ZBTB37: variants seen among roughly 807,000 people sequenced by gnomAD.
ZBTB37 encodes the protein zinc finger and BTB domain containing 37.
ZBTB37 carries 15 observed loss-of-function variants against 37.7 expected under a neutral mutation model. The observed-to-expected ratio is 0.40, with a 90% CI of 0.27 to 0.61. The LOEUF (loss-of-function observed/expected upper bound fraction) is 0.61. Among genes scored for constraint, ZBTB37 ranks in the 20% least tolerant of loss-of-function variants. The pLI, the probability that ZBTB37 is intolerant of heterozygous loss-of-function variation, is 0.44. For synonymous variants in ZBTB37, 231 were observed against 220.6 expected, an observed-to-expected ratio of 1.05 and a Z score of -0.42; for missense variants, 514 against 641.9, an observed-to-expected ratio of 0.80 and a Z score of 2.15.
chr1:173,870,721 C>G, exon 3 of ZBTB37: 4 of 1,614,158 alleles, frequency 2.5e-6, no homozygotes, highest in Non-Finnish European at 3.4e-6. Context: ...CCTTAGCCCA[C>G]GACATAATAC....
At chr1:173,872,755 C>CACA (rs1261954279) in intron 3 of ZBTB37, among the ~76,000 whole-genome samples, 1 of 152,114 alleles carries the variant, frequency 6.6e-6, no homozygotes, top group Non-Finnish European at 1.5e-5. Context: ...CACCTGTGAT[C>CACA]CCAGCACTTT....
exon 5 of ZBTB37, chr1:173,885,701 T>C (rs1437532900): frequency 1.3e-6 from 2 of 1,551,876 alleles, no homozygotes; most frequent in Non-Finnish European, 1.7e-6. Context: ...AGGAAGTATC[T>C]GAGCGGTGGT....
exon 4 of ZBTB37, chr1:173,897,702 C>T (rs1302919299): frequency 1.3e-5 from 2 of 152,196 alleles, no homozygotes; most frequent in African/African-American, 4.8e-5. Context: ...GCTCTGTAGT[C>T]CCTTGGGCAG....
chr1:173,876,588 G>A (rs1655982939), intron 4 of ZBTB37, among the ~76,000 whole-genome samples: 2 of 152,160 alleles, frequency 1.3e-5, no homozygotes, highest in Admixed American at 1.3e-4. Flanking sequence ...GAAGTGCTGG[G>A]ATTACAGACA....
exon 5 of ZBTB37, chr1:173,886,394 G>GA: frequency 6.6e-6 from 3 of 452,456 alleles, no homozygotes; most frequent in Non-Finnish European, 1.2e-5. Context: ...AACTTTATAA[G>GA]AAAAAAGGTT....
intron 4 of ZBTB37, among the ~76,000 whole-genome samples, chr1:173,874,358 G>A (rs1180120888): frequency 4.1e-5 from 6 of 146,290 alleles, no homozygotes; most frequent in African/African-American, 1.0e-4. Flanking sequence ...TTTTTGAGAC[G>A]GAGTCTCGAG....
intron 3 of ZBTB37, among the ~76,000 whole-genome samples, chr1:173,873,037 A>T (rs572381034): frequency 6.6e-6 from 1 of 152,126 alleles, no homozygotes; most frequent in Non-Finnish European, 1.5e-5. Flanking sequence ...ATCAATTTCA[A>T]TGCAAAGATT....
chr1:173,885,970 C>G (rs756912387), exon 5 of ZBTB37: 2 of 1,551,656 alleles, frequency 1.3e-6, no homozygotes, highest in Non-Finnish European at 1.7e-6. Flanking sequence ...AAAAACCACC[C>G]TGGCTGTATA....
chr1:173,879,844 G>C (rs1047657457), intron 4 of ZBTB37, among the ~76,000 whole-genome samples: 6 of 152,098 alleles, frequency 3.9e-5, no homozygotes, highest in Non-Finnish European at 7.4e-5. Context: ...TCAGCTACTC[G>C]GGAGGCTGCA....
At chr1:173,882,141 C>T (rs1656350294) in intron 4 of ZBTB37, among the ~76,000 whole-genome samples, 2 of 149,350 alleles carry the variant, frequency 1.3e-5, no homozygotes, top group Non-Finnish European at 1.5e-5. Context: ...TGTTTAAGTT[C>T]TTTGTAAATT....
chr1:173,870,615 T>C, exon 3 of ZBTB37: 2 of 1,614,160 alleles, frequency 1.2e-6, no homozygotes, highest in Non-Finnish European at 1.7e-6. Flanking sequence ...TCAAAATTAA[T>C]GTGGCTGAGG....
rs6691053 is a variant in ZBTB37, at chr1:173,899,817, C to G, written c.*13693C>G. 4 of 151,970 alleles carry G rather than the reference C, an allele frequency of 2.6e-5. No individual in the cohort carries two copies. In the East Asian group the frequency reaches 7.7e-4, roughly 29 times the overall value. 9.4% of individuals were successfully genotyped at this position (151,970 alleles called of 1,614,324 possible). Reference sequence around the variant, plus strand: ...TGCATGGCTCTCAATTCAAAGTGTACAGTGGGTCAAGGCTTAGGTAGTAAA... The same window carrying G: ...TGCATGGCTCTCAATTCAAAGTGTAGAGTGGGTCAAGGCTTAGGTAGTAAA... On this transcript the variant is annotated 3_prime_UTR_variant, in exon 4 of 4. Transcript: ENST00000367701.
At chr1:173,872,044 C>A (rs1373495083) in intron 3 of ZBTB37, among the ~76,000 whole-genome samples, 1 of 152,086 alleles carries the variant, frequency 6.6e-6, no homozygotes, top group East Asian at 1.9e-4. Flanking sequence ...TATACTGTAT[C>A]CACTTCAGGT....
intron 1 of ZBTB37, 196 bp from the exon 2 acceptor site, chr1:173,868,729 G>T (rs544441300): frequency 6.5e-6 from 1 of 153,046 alleles, no homozygotes; most frequent in African/African-American, 2.4e-5. Flanking sequence ...CGGTCCCTGG[G>T]CGCCGCCCCC....
chr1:173,896,815 A>G (rs1054649562), exon 4 of ZBTB37: 2 of 152,200 alleles, frequency 1.3e-5, no homozygotes, highest in Non-Finnish European at 2.9e-5. Context: ...TTTAAGAACC[A>G]CTGAAAAAAC....
intron 4 of ZBTB37, among the ~76,000 whole-genome samples, chr1:173,878,433 A>G (rs1656103002): frequency 6.6e-6 from 1 of 152,166 alleles, no homozygotes; most frequent in Non-Finnish European, 1.5e-5. Flanking sequence ...GGAGAAGGGA[A>G]GGAAGGGGAA....
chr1:173,895,745 A>G (rs541039310), exon 4 of ZBTB37: 17 of 152,326 alleles, frequency 1.1e-4, no homozygotes, highest in Non-Finnish European at 2.1e-4. Flanking sequence ...AGCCTCTCTC[A>G]TTTAAAATAA....
intron 4 of ZBTB37, among the ~76,000 whole-genome samples, chr1:173,877,373 CT>C (rs58043559): frequency 0.66 from 58,088 of 88,146 alleles, 18,051 homozygotes; most frequent in Middle Eastern, 0.73. Context: ...GATTTTCTTT[CT>C]TTTTTTTTTT....
In ZBTB37 at chr1:173,877,167, T is replaced by C. The variant is rs563878732; in HGVS notation, c.1023+3601T>C. ...TGGTCCATCACTGACCAAAATGTTA[T>C]GTGGTACATAACTGTAAATTCAGTA... is the stretch of plus-strand genomic sequence containing the variant. On this transcript the variant is annotated intron_variant, in intron 4 of 4. Coordinates refer to ENST00000427304, the Ensembl canonical transcript of ZBTB37. 8.5e-5 allele frequency among the ~76,000 whole-genome samples: 13 copies of C among 152,274 alleles called. No individual in the cohort carries two copies. In the East Asian group the frequency reaches 2.5e-3, roughly 29 times the overall value.
Sources: allele counts gnomAD v4.1 joint callset (sites outside exome capture counted in the v4.1 genomes callset), GRCh38; gene constraint gnomAD v4.1.1; transcripts MANE v1.5; gene names NCBI Gene and HGNC (gene_info 2026-07-23, HGNC 2026-07-21).